COL21A1: variants seen among roughly 807,000 people sequenced by gnomAD.
The protein encoded by COL21A1 is collagen alpha-1(XXI) chain.
COL21A1 carries 149 observed loss-of-function variants against 137.9 expected under a neutral mutation model. That is an observed-to-expected ratio of 1.08 (90% CI 0.95 to 1.24). COL21A1 has a LOEUF of 1.24. Among genes scored for constraint, COL21A1 ranks in the 50% most tolerant of loss-of-function variants. COL21A1 has a pLI of 0.00. For missense variants in COL21A1, 1,167 were observed against 1,158.4 expected, an observed-to-expected ratio of 1.01 and a Z score of -0.11; for synonymous variants, 456 against 391.5, an observed-to-expected ratio of 1.16 and a Z score of -1.95.
chr6:56,260,583 A>G (rs369958417), intron 1 of COL21A1, among the ~76,000 whole-genome samples: 2,089 of 32,574 alleles, frequency 0.064, 67 homozygotes, highest in Middle Eastern at 0.14. Context: ...AAAAAAAAAA[A>G]GAAAGAAGAA....
chr6:56,121,851 T>C (rs1021993284), intron 16 of COL21A1, among the ~76,000 whole-genome samples: 98 of 152,150 alleles, frequency 6.4e-4, no homozygotes, highest in African/African-American at 2.3e-3. Flanking sequence ...ATAGCTTTTT[T>C]TTTCAATTCA....
At chr6:56,202,715 C>T (rs1384405337) in intron 1 of COL21A1, among the ~76,000 whole-genome samples, 3 of 152,126 alleles carry the variant, frequency 2.0e-5, no homozygotes, top group Admixed American at 2.0e-4. Context: ...GGGTTGTACA[C>T]TATATTACAT....
At chr6:56,086,558 G>A (rs1425295881) in intron 17 of COL21A1, among the ~76,000 whole-genome samples, 2 of 152,076 alleles carry the variant, frequency 1.3e-5, no homozygotes, top group African/African-American at 4.8e-5. Flanking sequence ...TCATCATAAA[G>A]GTCTTCACCC....
At chr6:56,156,551 G>C (rs889845323) in intron 10 of COL21A1, among the ~76,000 whole-genome samples, 1 of 152,170 alleles carries the variant, frequency 6.6e-6, no homozygotes, top group Admixed American at 6.5e-5. Flanking sequence ...GTCTGTGAGG[G>C]AGGGTGTGTA....
At chr6:56,060,283 T>G (rs984488927) in intron 27 of COL21A1, 65 bp from the exon 28 acceptor site, 1 of 1,354,218 alleles carries the variant, frequency 7.4e-7, no homozygotes, top group African/African-American at 1.5e-5. Flanking sequence ...ATTATATTTT[T>G]AATTTTTTTC....
chr6:56,165,917 C>CACACATAT, intron 7 of COL21A1, among the ~76,000 whole-genome samples: 1 of 146,546 alleles, frequency 6.8e-6, no homozygotes, highest in African/African-American at 2.6e-5. Context: ...TACACACACA[C>CACACATAT]ACACACACAC....
chr6:56,191,591 C>CAAAAAA (rs70986783), intron 1 of COL21A1, among the ~76,000 whole-genome samples: 1 of 121,200 alleles, frequency 8.3e-6, no homozygotes, highest in Non-Finnish European at 1.7e-5. Flanking sequence ...GACTCTATCT[C>CAAAAAA]AAAAAAAAAA....
intron 9 of COL21A1, among the ~76,000 whole-genome samples, chr6:56,161,814 T>C (rs1776224923): frequency 1.3e-5 from 2 of 152,172 alleles, no homozygotes; most frequent in South Asian, 2.1e-4. Context: ...AACAGTGTTG[T>C]CATATTTTCC....
intron 25 of COL21A1, 104 bp from the exon 26 acceptor site, chr6:56,061,141 A>G (rs1272844131): frequency 1.1e-6 from 1 of 933,124 alleles, no homozygotes; most frequent in Non-Finnish European, 1.5e-6. Flanking sequence ...ATACATATGT[A>G]AATATGTAAG....
intron 14 of COL21A1, chr6:56,125,313 C>T (rs1333179214): frequency 1.5e-5 from 4 of 262,658 alleles, no homozygotes; most frequent in Non-Finnish European, 2.8e-5. Flanking sequence ...GCCACCGCGC[C>T]CGGCCTGTAA....
chr6:56,329,350 T>C (rs1256847903), intron 1 of COL21A1, among the ~76,000 whole-genome samples: 1 of 152,038 alleles, frequency 6.6e-6, no homozygotes, highest in Non-Finnish European at 1.5e-5. Flanking sequence ...TTGCCCCAGT[T>C]GCATGGCTGT....
At chr6:56,345,730 A>C (rs2152345991) in intron 1 of COL21A1, among the ~76,000 whole-genome samples, 1 of 152,360 alleles carries the variant, frequency 6.6e-6, no homozygotes, top group African/African-American at 2.4e-5. Flanking sequence ...TCTTTCAACA[A>C]ATCAATTCCA....
intron 1 of COL21A1, among the ~76,000 whole-genome samples, chr6:56,290,617 G>A (rs1322781951): frequency 2.0e-5 from 3 of 149,836 alleles, no homozygotes; most frequent in African/African-American, 4.9e-5. Context: ...CTCCCGCCTC[G>A]GCCTCCTGAG....
At chr6:56,273,540 A>G (rs1169351776) in intron 1 of COL21A1, among the ~76,000 whole-genome samples, 4 of 152,214 alleles carry the variant, frequency 2.6e-5, no homozygotes, top group Non-Finnish European at 5.9e-5. Flanking sequence ...GACAGAAATG[A>G]CATTACAACT....
At chr6:56,225,482 G>A (rs1332252544) in intron 1 of COL21A1, among the ~76,000 whole-genome samples, 1 of 152,052 alleles carries the variant, frequency 6.6e-6, no homozygotes, top group Non-Finnish European at 1.5e-5. Flanking sequence ...ATGGTAGCTA[G>A]TGGAATGAAG....
chr6:56,166,831 T>C (rs1174998259), intron 7 of COL21A1, 75 bp downstream of exon 7: 4 of 1,039,864 alleles, frequency 3.8e-6, no homozygotes, highest in East Asian at 2.6e-5. Flanking sequence ...AATACTCAGA[T>C]AGTATCTGCT....
intron 1 of COL21A1, among the ~76,000 whole-genome samples, chr6:56,200,595 T>C (rs1283552271): frequency 6.6e-6 from 1 of 151,734 alleles, no homozygotes; most frequent in Admixed American, 6.6e-5. Flanking sequence ...AGAATGATGG[T>C]TTCCAGCTTC....
chr6:56,251,227 C>T (rs1782845172), upstream of COL21A1, among the ~76,000 whole-genome samples: 2 of 152,176 alleles, frequency 1.3e-5, no homozygotes, highest in South Asian at 2.1e-4. Context: ...AATAATTCTT[C>T]CTCTTCTTCA....
chr6:56,063,118 G>A (rs1479052232), intron 24 of COL21A1, among the ~76,000 whole-genome samples: 1 of 152,100 alleles, frequency 6.6e-6, no homozygotes, highest in Non-Finnish European at 1.5e-5. Flanking sequence ...CTGGTGGTGA[G>A]AAATGTAGCT....
Sources: gnomAD v4.1 joint callset for allele counts (sites outside exome capture counted in the v4.1 genomes callset) on GRCh38, gnomAD v4.1.1 for gene constraint, MANE v1.5 for transcripts, NCBI Gene and HGNC (gene_info 2026-07-23, HGNC 2026-07-21) for gene names.